The following PDE10A variants were observed in gnomAD, a reference collection of about 807,000 sequenced individuals.
The protein encoded by PDE10A is cAMP and cAMP-inhibited cGMP 3',5'-cyclic phosphodiesterase 10A.
PDE10A carries 39 observed loss-of-function variants against 97.7 expected under a neutral mutation model. The ratio of observed to expected loss-of-function variants is 0.40; its 90% CI spans 0.31 to 0.52. The LOEUF is 0.52. PDE10A is among the 20% of genes least tolerant of loss of function. PDE10A has a pLI of 0.56. For missense variants in PDE10A, 731 were observed against 1,047.8 expected, an observed-to-expected ratio of 0.70 and a Z score of 4.17; for synonymous variants, 371 against 376.8, an observed-to-expected ratio of 0.98 and a Z score of 0.18.
At chr6:165,395,103 G>T in intron 15 of PDE10A, 78 bp downstream of exon 15, 1 of 787,430 alleles carries the variant, frequency 1.3e-6, no homozygotes, top group African/African-American at 1.8e-5. Context: ...CAAAGATCGT[G>T]GTGAGGCATA....
chr6:165,368,855 C>T (rs148040416), intron 18 of PDE10A, among the ~76,000 whole-genome samples: 8 of 152,228 alleles, frequency 5.3e-5, no homozygotes, highest in Non-Finnish European at 8.8e-5. Flanking sequence ...ACACCTCACA[C>T]GGCCCGGTAC....
At chr6:165,628,900 T>A (rs984201594) in intron 1 of PDE10A, among the ~76,000 whole-genome samples, 2 of 152,250 alleles carry the variant, frequency 1.3e-5, no homozygotes, top group South Asian at 4.1e-4. Context: ...TGAGGTTTTT[T>A]AAAATTTAGA....
At chr6:165,589,819 G>A (rs1786144033) in intron 1 of PDE10A, among the ~76,000 whole-genome samples, 1 of 152,058 alleles carries the variant, frequency 6.6e-6, no homozygotes, top group Non-Finnish European at 1.5e-5. Flanking sequence ...TAACAAGTTA[G>A]AAAGCAAGGG....
intron 1 of PDE10A, among the ~76,000 whole-genome samples, chr6:165,823,482 T>TA (rs1268328696): frequency 5.3e-5 from 2 of 37,504 alleles, no homozygotes; most frequent in Non-Finnish European, 1.1e-4. Flanking sequence ...ATAGTTAACT[T>TA]TATATATATA....
chr6:165,821,958 G>A (rs898225978), intron 1 of PDE10A, among the ~76,000 whole-genome samples: 1 of 152,096 alleles, frequency 6.6e-6, no homozygotes, highest in African/African-American at 2.4e-5. Flanking sequence ...TGAAGGATGA[G>A]AAGGATGAGT....
At chr6:165,589,118 G>A (rs757954863) in intron 1 of PDE10A, among the ~76,000 whole-genome samples, 11 of 152,142 alleles carry the variant, frequency 7.2e-5, no homozygotes, top group Non-Finnish European at 1.3e-4. Context: ...AACTGCTGAA[G>A]TCCAAAAAAT....
At chr6:165,692,036 C>T (rs1005028676) in intron 1 of PDE10A, among the ~76,000 whole-genome samples, 1 of 152,184 alleles carries the variant, frequency 6.6e-6, no homozygotes, top group African/African-American at 2.4e-5. Context: ...AGGCCCCTAT[C>T]TCTTTGTCAT....
chr6:165,576,364 G>C (rs1304986955), intron 1 of PDE10A: 1 of 780,024 alleles, frequency 1.3e-6, no homozygotes, highest in Admixed American at 1.7e-5. Context: ...CTGTCTATCT[G>C]AATGTCCCTT....
At chr6:165,625,696 A>AACCC (rs1395540178) in intron 1 of PDE10A, among the ~76,000 whole-genome samples, 2 of 152,070 alleles carry the variant, frequency 1.3e-5, no homozygotes, top group South Asian at 2.1e-4. Context: ...TATAAGGGGA[A>AACCC]GTTTCCCTGC....
chr6:165,783,019 T>C (rs914962140), intron 1 of PDE10A, among the ~76,000 whole-genome samples: 7 of 148,770 alleles, frequency 4.7e-5, no homozygotes, highest in African/African-American at 1.8e-4. Context: ...CTACATACAC[T>C]TCCTCGCTTA....
intron 10 of PDE10A, among the ~76,000 whole-genome samples, chr6:165,423,049 A>AT (rs1242909225): frequency 1.3e-5 from 2 of 152,218 alleles, no homozygotes; most frequent in Non-Finnish European, 2.9e-5. Flanking sequence ...CATTTTAAAC[A>AT]TAAGACGACA....
intron 1 of PDE10A, among the ~76,000 whole-genome samples, chr6:165,917,171 A>G (rs1202252309): frequency 6.6e-6 from 1 of 152,248 alleles, no homozygotes; most frequent in East Asian, 1.9e-4. Context: ...ACGCAGACCC[A>G]GGGAGCAAGA....
At position 165,629,738 on chromosome 6, in the gene PDE10A, T is replaced by C. The variant is rs1192200818; in HGVS notation, c.865+32209A>G. On this transcript the variant is annotated intron_variant, in intron 1 of 21. Transcript: ENST00000539869. ...TTGTGGAGACAAGTTTTCACCATAT[T>C]GCCCAGGCTGGTCTTCAACTCGTGG... Among the ~76,000 whole-genome samples the C allele has an allele frequency of 3.3e-5, 5 of 152,122 alleles. No homozygotes were observed. The South Asian group carries it at 8.3e-4, about 25-fold the overall frequency.
chr6:165,491,485 T>A (rs1304316707), intron 2 of PDE10A, among the ~76,000 whole-genome samples: 1 of 152,120 alleles, frequency 6.6e-6, no homozygotes, highest in African/African-American at 2.4e-5. Context: ...AGACAGACCA[T>A]CAGATAGGCC....
chr6:165,824,490 A>G (rs944198946), intron 1 of PDE10A, among the ~76,000 whole-genome samples: 1 of 152,150 alleles, frequency 6.6e-6, no homozygotes, highest in Non-Finnish European at 1.5e-5. Flanking sequence ...TTACCTCACC[A>G]TGGTCTTCTT....
At chr6:165,471,935 T>A (rs1172256924) in intron 3 of PDE10A, among the ~76,000 whole-genome samples, 1 of 152,200 alleles carries the variant, frequency 6.6e-6, no homozygotes, top group East Asian at 1.9e-4. Context: ...TCTCTTAATT[T>A]AATGCTTTTT....
In PDE10A at chr6:165,607,197, A is replaced by C. The variant is rs370796445; in HGVS notation, c.865+54750T>G. 1.2e-4 allele frequency among the ~76,000 whole-genome samples: 19 copies of C among 152,374 alleles called. No individual in the cohort carries two copies. In the East Asian group the frequency reaches 2.5e-3, roughly 20 times the overall value. ...CACAGGTCTCGTCTGCACAATGAGCATGTACTACACACCCAACGCCTTGAG... is the reference window on the plus strand; with the variant it reads ...CACAGGTCTCGTCTGCACAATGAGCCTGTACTACACACCCAACGCCTTGAG... On this transcript the variant is annotated intron_variant, in intron 1 of 21. Coordinates refer to ENST00000539869, the MANE Select transcript of PDE10A (RefSeq NM_001385079.1).
intron 1 of PDE10A, among the ~76,000 whole-genome samples, chr6:165,646,849 T>A (rs1789423564): frequency 6.6e-6 from 1 of 152,218 alleles, no homozygotes; most frequent in African/African-American, 2.4e-5. Flanking sequence ...GAAGTACACA[T>A]GCCCATCCGA....
intron 1 of PDE10A, among the ~76,000 whole-genome samples, chr6:165,570,709 T>C (rs917992523): frequency 2.0e-5 from 3 of 152,222 alleles, no homozygotes; most frequent in African/African-American, 7.2e-5. Flanking sequence ...ATGTAAAGTC[T>C]TTCTCTGGTC....
Sources: gnomAD v4.1 joint callset for allele counts (sites outside exome capture counted in the v4.1 genomes callset) on GRCh38, gnomAD v4.1.1 for gene constraint, MANE v1.5 for transcripts, NCBI Gene and HGNC (gene_info 2026-07-23, HGNC 2026-07-21) for gene names.